Variants in DMRT1 observed in about 807,000 individuals in gnomAD.
DMRT1 encodes doublesex and mab-3 related transcription factor 1, also known as doublesex- and mab-3-related transcription factor 1.
A neutral mutation model predicts 32.3 loss-of-function variants in DMRT1; 7 were observed. That is an observed-to-expected ratio of 0.22 (90% CI 0.12 to 0.41). The LOEUF is 0.41. Among genes scored for constraint, DMRT1 ranks in the 10% least tolerant of loss-of-function variants. The pLI, the probability that DMRT1 is intolerant of heterozygous loss-of-function variation, is 1.00. For missense variants in DMRT1, 625 were observed against 500.5 expected, an observed-to-expected ratio of 1.25 and a Z score of -2.37; for synonymous variants, 278 against 206.1, an observed-to-expected ratio of 1.35 and a Z score of -2.99.
chr9:870,403 A>AAACTAAC (rs77281108), intron 2 of DMRT1, among the ~76,000 whole-genome samples: 15 of 151,262 alleles, frequency 9.9e-5, no homozygotes, highest in East Asian at 1.9e-4. Context: ...CTGTCTCAAA[A>AAACTAAC]AACAACAACA....
chr9:910,534 AAAG>A (rs1817936595), intron 3 of DMRT1, among the ~76,000 whole-genome samples: 2 of 152,186 alleles, frequency 1.3e-5, no homozygotes, highest in African/African-American at 2.4e-5. Context: ...TTTTTTAAAA[AAAG>A]AAGTGAACTC....
chr9:932,882 G>A (rs912272969), intron 4 of DMRT1, among the ~76,000 whole-genome samples: 6 of 151,888 alleles, frequency 4.0e-5, no homozygotes, highest in African/African-American at 1.2e-4. Context: ...TGCATGGGGC[G>A]CGGTATCTCC....
intron 4 of DMRT1, among the ~76,000 whole-genome samples, chr9:960,983 G>A (rs1266170421): frequency 6.6e-6 from 1 of 152,192 alleles, no homozygotes; most frequent in Non-Finnish European, 1.5e-5. Context: ...GGTGACCACA[G>A]GAGGGAACGT....
intron 2 of DMRT1, among the ~76,000 whole-genome samples, chr9:870,709 C>CTCTTTTTTTTTTTTTTTT (rs1816206857): frequency 3.3e-4 from 23 of 69,556 alleles, no homozygotes; most frequent in African/African-American, 1.5e-3. Context: ...ATTTTCTTGA[C>CTCTTTTTTTTTTTTTTTT]TTTTTTTTTT....
intron 4 of DMRT1, among the ~76,000 whole-genome samples, chr9:926,686 GTAGAGAGAGA>G (rs1443634870): frequency 6.7e-5 from 10 of 148,978 alleles, no homozygotes; most frequent in South Asian, 2.1e-4. Context: ...GAAGACACAG[GTAGAGAGAGA>G]GAGAGAGAGA....
intron 3 of DMRT1, among the ~76,000 whole-genome samples, chr9:905,117 A>G (rs1586597105): frequency 1.3e-5 from 2 of 152,194 alleles, no homozygotes; most frequent in Non-Finnish European, 1.5e-5. Context: ...ATGGTGATAG[A>G]TTGACTTTAG....
At chr9:871,157 C>T (rs187068169) in intron 2 of DMRT1, among the ~76,000 whole-genome samples, 1 of 152,072 alleles carries the variant, frequency 6.6e-6, no homozygotes, top group Non-Finnish European at 1.5e-5. Flanking sequence ...CTACCTCAGC[C>T]TGAGTAGCTG....
chr9:889,610 T>G (rs60629115), intron 2 of DMRT1, among the ~76,000 whole-genome samples: 5 of 152,208 alleles, frequency 3.3e-5, no homozygotes. Flanking sequence ...TCTTGTTACC[T>G]TCAGAGTTAT....
intron 2 of DMRT1, among the ~76,000 whole-genome samples, chr9:880,713 A>G (rs984947043): frequency 5.4e-5 from 8 of 148,442 alleles, no homozygotes; most frequent in Admixed American, 1.3e-4. Flanking sequence ...GCAACCAGCA[A>G]AACTCAGTCT....
At chr9:863,130 C>T (rs1460511311) in intron 2 of DMRT1, among the ~76,000 whole-genome samples, 6 of 118,772 alleles carry the variant, frequency 5.1e-5, no homozygotes, top group African/African-American at 6.6e-5. Context: ...GCCTGGGCAA[C>T]AGCGAGATCA....
chr9:908,366 G>A (rs1817852884), intron 3 of DMRT1, among the ~76,000 whole-genome samples: 1 of 152,156 alleles, frequency 6.6e-6, no homozygotes, highest in African/African-American at 2.4e-5. Flanking sequence ...CCTGAGGTGA[G>A]AGGATCACTT....
At chr9:880,819 G>T (rs10977259) in intron 2 of DMRT1, among the ~76,000 whole-genome samples, 35,564 of 151,418 alleles carry the variant, frequency 0.23, 4,328 homozygotes, top group East Asian at 0.41. Flanking sequence ...CACCCTTGCC[G>T]CTGCATCATC....
At position 875,633 on chromosome 9, in the gene DMRT1, T is replaced by C. The variant is rs369171515; in HGVS notation, c.539-18279T>C. 9.2e-5 allele frequency among the ~76,000 whole-genome samples: 14 copies of C among 152,320 alleles called. 1 individual carries two copies. In the South Asian group the frequency reaches 2.9e-3, roughly 32 times the overall value. On this transcript the variant is annotated intron_variant, in intron 2 of 4. Transcript: ENST00000382276. Reference sequence around the variant, plus strand: ...AGTTGTGGGCCAGTTAGATAGCTTCTGTCATGCTGTTTGTGTCTTGGTTGC... The same window carrying C: ...AGTTGTGGGCCAGTTAGATAGCTTCCGTCATGCTGTTTGTGTCTTGGTTGC...
intron 4 of DMRT1, among the ~76,000 whole-genome samples, chr9:932,008 C>T (rs1015594720): frequency 2.0e-5 from 3 of 152,188 alleles, no homozygotes; most frequent in Non-Finnish European, 4.4e-5. Context: ...AACTCTCCAA[C>T]ACAGAGACCC....
At chr9:929,831 G>A (rs1225875035) in intron 4 of DMRT1, among the ~76,000 whole-genome samples, 1 of 152,146 alleles carries the variant, frequency 6.6e-6, no homozygotes, top group African/African-American at 2.4e-5. Context: ...AAACAAGTGA[G>A]AAATTCATTG....
intron 4 of DMRT1, among the ~76,000 whole-genome samples, chr9:960,348 T>C (rs908091739): frequency 6.6e-6 from 1 of 152,238 alleles, no homozygotes; most frequent in African/African-American, 2.4e-5. Flanking sequence ...GTTGTCACTT[T>C]TTTTCCTTTC....
intron 2 of DMRT1, among the ~76,000 whole-genome samples, chr9:880,117 C>CT (rs1312016802): frequency 2.6e-5 from 4 of 152,282 alleles, no homozygotes; most frequent in Non-Finnish European, 2.9e-5. Context: ...CGCCAAATAT[C>CT]TGAGTTTCAG....
chr9:896,365 A>C (rs1324283753), intron 3 of DMRT1, among the ~76,000 whole-genome samples: 1 of 117,354 alleles, frequency 8.5e-6, no homozygotes, highest in African/African-American at 3.3e-5. Context: ...TGCAACCTCC[A>C]CCTCCTGGGT....
chr9:846,116 C>G (rs1838893045), intron 1 of DMRT1, among the ~76,000 whole-genome samples: 1 of 151,150 alleles, frequency 6.6e-6, no homozygotes, highest in East Asian at 2.0e-4. Context: ...ACTGCAACCT[C>G]TGCCTCCTGG....
Sources: gnomAD v4.1 joint callset for allele counts (sites outside exome capture counted in the v4.1 genomes callset) on GRCh38, gnomAD v4.1.1 for gene constraint, MANE v1.5 for transcripts, NCBI Gene and HGNC (gene_info 2026-07-23, HGNC 2026-07-21) for gene names.